The following KIRREL3 variants were observed in gnomAD, a reference collection of about 807,000 sequenced individuals.
KIRREL3 encodes the protein kirre like nephrin family adhesion molecule 3.
Under a neutral mutation model 89.7 loss-of-function variants are expected in KIRREL3, and 36 were observed. The ratio of observed to expected loss-of-function variants is 0.40; its 90% CI spans 0.31 to 0.53. The LOEUF is 0.53. Ranked by LOEUF, KIRREL3 falls within the 20% of genes least tolerant of loss-of-function variation. KIRREL3 has a pLI of 0.49. For synonymous variants in KIRREL3, 445 were observed against 441.4 expected (o/e 1.01, Z -0.10); for missense variants, 864 against 1,056.6 (o/e 0.82, Z 2.53).
chr11:126,927,626 A>G (rs1342022929), intron 1 of KIRREL3, among the ~76,000 whole-genome samples: 1 of 152,252 alleles, frequency 6.6e-6, no homozygotes, highest in Non-Finnish European at 1.5e-5. Context: ...TTACTAAGCC[A>G]TCTAACAATA....
At position 126,587,271 on chromosome 11, in the gene KIRREL3, T is replaced by C. The variant is rs182851517; in HGVS notation, c.56-24359A>G. On this transcript the variant is annotated intron_variant, in intron 1 of 16. Transcript: ENST00000525144. The surrounding 1 kb of genome is among the most constrained non-coding windows in gnomAD (Gnocchi z 5.2). ...GGGGGCTGCAGAGCGTTCCAGGCTGTGGAGGCAGCGTGTGCAAAGGCTGGG... is the reference window on the plus strand; with the variant it reads ...GGGGGCTGCAGAGCGTTCCAGGCTGCGGAGGCAGCGTGTGCAAAGGCTGGG... Among the ~76,000 whole-genome samples the C allele has an allele frequency of 2.4e-4, 36 of 152,262 alleles. No homozygotes were observed. Among genetic ancestry groups the C allele is most frequent in the Non-Finnish European group, 4.3e-4 (29 of 68,018 alleles).
In KIRREL3 at chr11:126,473,418, C is replaced by A; in HGVS notation, c.482G>T (p.Arg161Leu). The change falls in exon 5 of 17, where the codon CGT (arginine) becomes CTT (leucine). Residue 161 changes from arginine to leucine, a missense_variant. Transcript: ENST00000525144. Reference protein sequence around the residue: ...VILGGPVISLRAGDPLNLTCH... With the variant: ...VILGGPVISLLAGDPLNLTCH... ...GGTGAGGTTGAGAGGGTCCCCCGCACGCAGGCTGATCACAGGGCCCCCCAG... is the reference window on the plus strand; with the variant it reads ...GGTGAGGTTGAGAGGGTCCCCCGCAAGCAGGCTGATCACAGGGCCCCCCAG... The A allele has an allele frequency of 6.3e-7, 1 of 1,584,222 alleles. No homozygotes were observed. Among genetic ancestry groups the A allele is most frequent in the Non-Finnish European group, 8.6e-7 (1 of 1,161,252 alleles).
intron 1 of KIRREL3, among the ~76,000 whole-genome samples, chr11:126,941,482 T>G (rs1387370875): frequency 6.6e-6 from 1 of 152,284 alleles, no homozygotes; most frequent in Middle Eastern, 3.4e-3. Flanking sequence ...GGAATCTGCA[T>G]TTTAAAATCA....
rs374692914 is a variant in KIRREL3 at position 126,892,710 on chromosome 11, C to T, written c.55+107745G>A. On this transcript the variant is annotated intron_variant, in intron 1 of 16. Transcript: ENST00000525144. This position sits in a 1 kb window ranked among gnomAD's most constrained non-coding sequence, Gnocchi z 5.4. Reference sequence around the variant, plus strand: ...TTCATCTCCAGTAGCCAAGTAGAAACTACAGCATGACCTGACTTCTATGCC... The same window carrying T: ...TTCATCTCCAGTAGCCAAGTAGAAATTACAGCATGACCTGACTTCTATGCC... 5.8e-4 allele frequency among the ~76,000 whole-genome samples: 89 copies of T among 152,318 alleles called. 1 individual carries two copies. The highest frequency in any genetic ancestry group is 2.0e-3 in the African/African-American group (84 of 41,564).
rs964116411 is a variant in KIRREL3, at chr11:126,811,195, C to A, written c.55+189260G>T. On this transcript the variant is annotated intron_variant, in intron 1 of 16. Coordinates refer to ENST00000525144, the MANE Select transcript of KIRREL3 (RefSeq NM_032531.4). The surrounding 1 kb of genome is among the most constrained non-coding windows in gnomAD (Gnocchi z 4.3). ...TGTGTTGTTACCCCACCTGACAGTT[C>A]ACAATTCTGTCTTTCCTCCTGCTGA... Among the ~76,000 whole-genome samples, 1 of 152,234 alleles carries A rather than the reference C, an allele frequency of 6.6e-6. No individual in the cohort carries two copies. The highest frequency in any genetic ancestry group is 2.4e-5 in the African/African-American group (1 of 41,462).
At chr11:126,584,987 C>T (rs2845929) in intron 1 of KIRREL3, among the ~76,000 whole-genome samples, 2 of 151,524 alleles carry the variant, frequency 1.3e-5, no homozygotes. Flanking sequence ...GGCGCAATCT[C>T]GGCTCACTGC....
chr11:126,434,706 T>A (rs993779972), intron 13 of KIRREL3, among the ~76,000 whole-genome samples: 16 of 152,176 alleles, frequency 1.1e-4, no homozygotes, highest in Admixed American at 9.8e-4. Context: ...CTTTGCTGCG[T>A]GTGCCTGGGG....
At position 126,519,205 on chromosome 11, in the gene KIRREL3, GA is replaced by G. The variant is rs1246894944; in HGVS notation, c.433+2109del. Among the ~76,000 whole-genome samples the G allele has an allele frequency of 6.6e-6, 1 of 152,222 alleles. No homozygotes were observed. Among genetic ancestry groups the G allele is most frequent in the Non-Finnish European group, 1.5e-5 (1 of 68,044 alleles). On this transcript the variant is annotated intron_variant, in intron 4 of 16. Transcript: ENST00000525144. This position sits in a 1 kb window ranked among gnomAD's most constrained non-coding sequence, Gnocchi z 4.3. Reference sequence around the variant, plus strand: ...GGGGGAGCGAATGCCTTTTAGACATGACCTAAGACAAAATCGGGTCTGTTCA... The same window carrying G: ...GGGGGAGCGAATGCCTTTTAGACATGCCTAAGACAAAATCGGGTCTGTTCA...
At chr11:126,902,335 C>G (rs1309628398) in intron 1 of KIRREL3, among the ~76,000 whole-genome samples, 1 of 152,138 alleles carries the variant, frequency 6.6e-6, no homozygotes, top group African/African-American at 2.4e-5. Context: ...GAAGAGGATC[C>G]CATTGCTTAA....
rs1253116206 is a variant in KIRREL3, at chr11:126,739,591, G to A, written c.56-176679C>T. On this transcript the variant is annotated intron_variant, in intron 1 of 16. Coordinates refer to ENST00000525144, the MANE Select transcript of KIRREL3 (RefSeq NM_032531.4). The surrounding 1 kb of genome is among the most constrained non-coding windows in gnomAD (Gnocchi z 5.5). ...ACTCTTCCTGAAGGTATGTCACCTG[G>A]CTTTGTATGACAGCATGTTAACAAC... is the stretch of plus-strand genomic sequence containing the variant. 1.3e-5 allele frequency among the ~76,000 whole-genome samples: 2 copies of A among 152,174 alleles called. No homozygotes were observed. The highest frequency in any genetic ancestry group is 2.9e-5 in the Non-Finnish European group (2 of 68,036).
chr11:126,790,330 C>A (rs981312086), intron 1 of KIRREL3, among the ~76,000 whole-genome samples: 3 of 152,308 alleles, frequency 2.0e-5, no homozygotes, highest in Non-Finnish European at 2.9e-5. Flanking sequence ...AGGAAAGGCC[C>A]AGAGCCTTGG....
intron 1 of KIRREL3, among the ~76,000 whole-genome samples, chr11:126,937,767 C>T (rs1363564377): frequency 1.3e-5 from 2 of 152,162 alleles, no homozygotes; most frequent in South Asian, 2.1e-4. Context: ...GGCGTGGTGG[C>T]AGGTGCCTGT....
At position 126,486,243 on chromosome 11, in the gene KIRREL3, G is replaced by A. The variant is rs746474136; in HGVS notation, c.434-12777C>T. On this transcript the variant is annotated intron_variant, in intron 4 of 16. Transcript: ENST00000525144. This position sits in a 1 kb window ranked among gnomAD's most constrained non-coding sequence, Gnocchi z 6.2. ...GTGCTACGTGGCCGCCGTCTGCACA[G>A]CAAGGGTGAGAGGGCTTGGGAGAGG... 6.6e-6 allele frequency among the ~76,000 whole-genome samples: 1 copy of A among 152,170 alleles called. No individual in the cohort carries two copies. Among genetic ancestry groups the A allele is most frequent in the African/African-American group, 2.4e-5 (1 of 41,420 alleles).
Position 126,527,278 on chromosome 11 carries a change from C to T in KIRREL3, c.134-591G>A, listed in dbSNP as rs753246179. Among the ~76,000 whole-genome samples the T allele has an allele frequency of 4.6e-5, 7 of 151,984 alleles. No individual in the cohort carries two copies. Among genetic ancestry groups the T allele is most frequent in the Non-Finnish European group, 7.4e-5 (5 of 68,002 alleles). On this transcript the variant is annotated intron_variant, in intron 2 of 16. Coordinates refer to ENST00000525144, the MANE Select transcript of KIRREL3 (RefSeq NM_032531.4). This position sits in a 1 kb window ranked among gnomAD's most constrained non-coding sequence, Gnocchi z 4.2. ...GTGCTGAGGAGGCGTGCCATCCTAC[C>T]GTGTCCTCCCTGTCCCTTTCTTTTC... is the stretch of plus-strand genomic sequence containing the variant.
chr11:126,487,876 G>T (rs142706483), intron 4 of KIRREL3, among the ~76,000 whole-genome samples: 98 of 152,380 alleles, frequency 6.4e-4, no homozygotes, highest in African/African-American at 1.9e-3. Context: ...CCGCACTCCA[G>T]CATGAGTCCT....
chr11:126,674,153 G>A (rs1946083196), intron 1 of KIRREL3, among the ~76,000 whole-genome samples: 2 of 152,222 alleles, frequency 1.3e-5, no homozygotes, highest in African/African-American at 4.8e-5. Flanking sequence ...ACAGAAAGAA[G>A]GCAAGGGCAA....
intron 1 of KIRREL3, among the ~76,000 whole-genome samples, chr11:126,929,953 C>A (rs754756794): frequency 0.096 from 14,511 of 151,898 alleles, 912 homozygotes; most frequent in Non-Finnish European, 0.14. Context: ...GAGCCACCCC[C>A]CCCCCCCCAC....
At position 126,739,269 on chromosome 11, in the gene KIRREL3, A is replaced by G. The variant is rs894222632; in HGVS notation, c.56-176357T>C. 6.6e-6 allele frequency among the ~76,000 whole-genome samples: 1 copy of G among 152,348 alleles called. No homozygotes were observed. Among genetic ancestry groups the G allele is most frequent in the Non-Finnish European group, 1.5e-5 (1 of 68,032 alleles). On this transcript the variant is annotated intron_variant, in intron 1 of 16. Coordinates refer to ENST00000525144, the MANE Select transcript of KIRREL3 (RefSeq NM_032531.4). This position sits in a 1 kb window ranked among gnomAD's most constrained non-coding sequence, Gnocchi z 5.5. ...CCACAGAGCATTAGGTGATACTTAT[A>G]GTATTAATTCGACTGCCTTTTGGCA...
Position 126,651,433 on chromosome 11 carries a change from AG to A in KIRREL3, c.56-88522del, listed in dbSNP as rs1159810779. 6.6e-6 allele frequency among the ~76,000 whole-genome samples: 1 copy of A among 152,222 alleles called. No homozygotes were observed. Among genetic ancestry groups the A allele is most frequent in the Non-Finnish European group, 1.5e-5 (1 of 68,024 alleles). On this transcript the variant is annotated intron_variant, in intron 1 of 16. Coordinates refer to ENST00000525144, the MANE Select transcript of KIRREL3 (RefSeq NM_032531.4). The surrounding 1 kb of genome is among the most constrained non-coding windows in gnomAD (Gnocchi z 4.6). The stretch of plus-strand genomic sequence containing the variant: ...TTCCAGATATCAGTGGACAGCATCC[AG>A]GGGGGCAGAGTCAGTGTAATTTCTC...
Sources: gnomAD v4.1 joint callset for allele counts (sites outside exome capture counted in the v4.1 genomes callset) on GRCh38, gnomAD v4.1.1 for gene constraint, Gnocchi (gnomAD v3.1) non-coding constraint, MANE v1.5 for transcripts, NCBI Gene and HGNC (gene_info 2026-07-23, HGNC 2026-07-21) for gene names.